The following TPR variants were observed in gnomAD, a reference collection of about 807,000 sequenced individuals.
The protein encoded by TPR is translocated promoter region, nuclear basket protein.
Under a neutral mutation model 316.1 loss-of-function variants are expected in TPR, and 51 were observed. That is an observed-to-expected ratio of 0.16 (90% CI 0.13 to 0.20). The LOEUF (loss-of-function observed/expected upper bound fraction) is 0.20, where lower values mean the gene tolerates loss of function less well. Ranked by LOEUF, TPR falls within the 10% of genes least tolerant of loss-of-function variation. TPR has a pLI of 1.00. For synonymous variants in TPR, 981 were observed against 914.7 expected, an observed-to-expected ratio of 1.07 and a Z score of -1.31; for missense variants, 2,272 against 2,754.8, an observed-to-expected ratio of 0.82 and a Z score of 3.92.
At chr1:186,370,776 A>G (rs532876896) in intron 3 of TPR, among the ~76,000 whole-genome samples, 194 bp downstream of exon 3, 1 of 152,278 alleles carries the variant, frequency 6.6e-6, no homozygotes, top group Admixed American at 6.5e-5. Flanking sequence ...CTGTTGAATA[A>G]AAGAGATGTC....
At chr1:186,374,592 ACT>A (rs1254580664) in intron 1 of TPR, among the ~76,000 whole-genome samples, 4 of 152,138 alleles carry the variant, frequency 2.6e-5, no homozygotes, top group Admixed American at 2.0e-4. Context: ...GGGTTCGCAG[ACT>A]CTATCAAGTC....
chr1:186,353,357 G>A (rs1052546049), intron 18 of TPR, among the ~76,000 whole-genome samples: 1 of 150,594 alleles, frequency 6.6e-6, no homozygotes, highest in Non-Finnish European at 1.5e-5. Flanking sequence ...GGGCGACAGA[G>A]TGAGACTCTG....
At chr1:186,320,278 C>G (rs765193995) in intron 46 of TPR, 34 bp downstream of exon 46, 2 of 1,550,340 alleles carry the variant, frequency 1.3e-6, no homozygotes, top group Non-Finnish European at 1.8e-6. Flanking sequence ...CAAATACATA[C>G]AAATTCAGGG....
At chr1:186,361,499 T>G in intron 9 of TPR, 123 bp downstream of exon 9, 1 of 850,814 alleles carries the variant, frequency 1.2e-6, no homozygotes, top group East Asian at 2.6e-5. Context: ...TTCTTTCTTC[T>G]GTACCTAATT....
chr1:186,339,994 G>T (rs1571616108), intron 29 of TPR, among the ~76,000 whole-genome samples: 1 of 152,088 alleles, frequency 6.6e-6, no homozygotes, highest in South Asian at 2.1e-4. Context: ...GTCATTAAAT[G>T]TTCATTATTT....
intron 10 of TPR, 110 bp downstream of exon 10, chr1:186,360,655 A>G (rs1659158392): frequency 1.4e-6 from 2 of 1,390,698 alleles, no homozygotes; most frequent in Admixed American, 2.4e-5. Context: ...AACTCGATGG[A>G]GTTTCCTACA....
At position 186,322,012 on chromosome 1, in the gene TPR, T is replaced by G. The variant is rs140898341; in HGVS notation, c.6461+306A>C. On this transcript the variant is annotated intron_variant, in intron 45 of 50. Transcript: ENST00000367478. ...CTCATGAACAGAGAACCTAAGGAAC[T>G]TGCTACCGCTAGTAAACAGTAGAGT... is the stretch of plus-strand genomic sequence containing the variant. Among the ~76,000 whole-genome samples the G allele has an allele frequency of 1.5e-4, 23 of 152,342 alleles. No homozygotes were observed. The East Asian group carries it at 4.2e-3, about 28-fold the overall frequency.
In TPR at chr1:186,361,776, G is replaced by C; in HGVS notation, c.870+13C>G. The C allele has an allele frequency of 6.2e-7, 1 of 1,613,062 alleles. No individual in the cohort carries two copies. Among genetic ancestry groups the C allele is most frequent in the Non-Finnish European group, 8.5e-7 (1 of 1,179,256 alleles). On this transcript the variant is annotated intron_variant, in intron 8 of 50. Transcript: ENST00000367478. ...CAACATTTAGATACTAACATGTGTGGTGGGATATTTACCTTGTACAAATTA... is the reference window on the plus strand; with the variant it reads ...CAACATTTAGATACTAACATGTGTGCTGGGATATTTACCTTGTACAAATTA...
chr1:186,350,351 T>G lies in TPR; in HGVS notation c.2648A>C (p.Glu883Ala), dbSNP rs1658822652. Residue 883 changes from glutamate to alanine, a missense_variant, in exon 21 of 51, where the codon GAG becomes GCG. Coordinates refer to ENST00000367478, the MANE Select transcript of TPR (RefSeq NM_003292.3). ...LLDTKRQLDT[E>A]TNLHLNTKEL... ...TTTTGTGTTAAGATGAAGATTTGTC[T>G]CTGTATCCAGTTGTCTCTTTGTATC... 1 of 1,611,954 alleles carries G rather than the reference T, an allele frequency of 6.2e-7. No homozygotes were observed. Among genetic ancestry groups the G allele is most frequent in the Non-Finnish European group, 8.5e-7 (1 of 1,178,948 alleles).
chr1:186,357,991 A>T (rs748516241), intron 13 of TPR, among the ~76,000 whole-genome samples: 3 of 152,308 alleles, frequency 2.0e-5, no homozygotes, highest in Non-Finnish European at 4.4e-5. Flanking sequence ...TTAAACAAAA[A>T]GCATATATAT....
intron 39 of TPR, among the ~76,000 whole-genome samples, chr1:186,329,613 C>T (rs1342210233): frequency 1.3e-5 from 2 of 152,118 alleles, no homozygotes; most frequent in East Asian, 3.9e-4. Flanking sequence ...AGGTGTGGAA[C>T]ATTACACACG....
intron 12 of TPR, 72 bp from the exon 13 acceptor site, chr1:186,358,722 A>C (rs1417808555): frequency 1.7e-6 from 2 of 1,179,858 alleles, no homozygotes; most frequent in African/African-American, 1.5e-5. Flanking sequence ...AAGACATACA[A>C]TACTCAAACA....
rs1173485796 is a variant in TPR at position 186,311,929 on chromosome 1, T to C, written c.*2042A>G. The C allele has an allele frequency of 7.4e-6, 4 of 541,584 alleles. No homozygotes were observed. Among genetic ancestry groups the C allele is most frequent in the Admixed American group, 3.2e-5 (1 of 31,298 alleles). The allele number at this position is 541,584 out of a possible 1,614,324, so 33.5% of individuals were successfully genotyped here. On this transcript the variant is annotated 3_prime_UTR_variant, in exon 51 of 51. Transcript: ENST00000367478. ...GTATATGTGCTGCCAAACTGAGCAC[T>C]TGTCACTTTCAATTGAAATTAAATA...
Position 186,327,516 on chromosome 1 carries a change from C to T in TPR, c.5833G>A (p.Val1945Ile). The T allele has an allele frequency of 6.2e-7, 1 of 1,611,046 alleles. No homozygotes were observed. Among genetic ancestry groups the T allele is most frequent in the Non-Finnish European group, 8.5e-7 (1 of 1,179,346 alleles). Residue 1945 changes from valine to isoleucine, a missense_variant, in exon 40 of 51, where the codon GTA (valine) becomes ATA (isoleucine). Physicochemically the swap from Val to Ile is conservative, Grantham distance 29. Coordinates refer to ENST00000367478, the MANE Select transcript of TPR (RefSeq NM_003292.3). ...DGQGKGDDVI[V>I]IDSDDEEEDD... ...TCTTCTTCATCATCACTGTCAATTA[C>T]AATGACATCATCTCCTTTGCCTTGA... is the stretch of plus-strand genomic sequence containing the variant.
At chr1:186,328,700 C>T (rs1229644997) in intron 39 of TPR, among the ~76,000 whole-genome samples, 1 of 152,128 alleles carries the variant, frequency 6.6e-6, no homozygotes, top group African/African-American at 2.4e-5. Context: ...TATCATTGTC[C>T]TTTTACAAAG....
intron 45 of TPR, 101 bp from the exon 46 acceptor site, chr1:186,320,519 A>C (rs1657747238): frequency 1.1e-6 from 1 of 949,246 alleles, no homozygotes; most frequent in Non-Finnish European, 1.5e-6. Flanking sequence ...AACATCAACA[A>C]ACTGGGAAGG....
chr1:186,364,738 CATT>C (rs1659286064), intron 4 of TPR, among the ~76,000 whole-genome samples: 1 of 152,130 alleles, frequency 6.6e-6, no homozygotes, highest in Non-Finnish European at 1.5e-5. Flanking sequence ...CTAAGAAAAT[CATT>C]GAGAAAGGTT....
At chr1:186,367,797 G>A in intron 4 of TPR, 89 bp downstream of exon 4, 1 of 837,536 alleles carries the variant, frequency 1.2e-6, no homozygotes. Flanking sequence ...AAAAATATCA[G>A]CAACAGAAAT....
At chr1:186,366,816 A>C (rs975288691) in intron 4 of TPR, among the ~76,000 whole-genome samples, 1 of 151,442 alleles carries the variant, frequency 6.6e-6, no homozygotes, top group African/African-American at 2.4e-5. Context: ...AAACCTACTC[A>C]ATATGGAATA....
Sources: gnomAD v4.1 joint callset for allele counts (sites outside exome capture counted in the v4.1 genomes callset) on GRCh38, gnomAD v4.1.1 for gene constraint, MANE v1.5 for transcripts, NCBI Gene and HGNC (gene_info 2026-07-23, HGNC 2026-07-21) for gene names.